Variants in CHFR observed in about 807,000 individuals in gnomAD.
CHFR encodes E3 ubiquitin-protein ligase CHFR.
In CHFR, 57 loss-of-function variants were observed where a neutral mutation model predicts 87.6. That is an observed-to-expected ratio of 0.65 (90% confidence interval 0.53 to 0.81). The LOEUF is 0.81. Ranked by LOEUF, CHFR falls within the 30% of genes least tolerant of loss-of-function variation. The pLI is 0.00. For synonymous variants in CHFR, 381 were observed against 359.2 expected (o/e 1.06, Z -0.69); for missense variants, 797 against 865.8 (o/e 0.92, Z 1.00).
rs1478337536 is a variant in CHFR, at chr12:132,836,775, A to G, written c.*4779T>C. 2.2e-6 allele frequency: 1 copy of G among 456,010 alleles called. No individual in the cohort carries two copies. The highest frequency in any genetic ancestry group is 4.4e-6 in the Non-Finnish European group (1 of 226,786). The allele number at this position is 456,010 out of a possible 1,614,324, so 28.2% of individuals were successfully genotyped here. ...GGGGCGCCTGTTTGTGCCGCGGGAA[A>G]GATTTCAAGCCCAGGGGACGGCTCA... On this transcript the variant is annotated 3_prime_UTR_variant, in exon 18 of 18. Coordinates refer to ENST00000450056, the MANE Select transcript of CHFR (RefSeq NM_001161346.2).
chr12:132,866,857 A>G (rs1438834949), intron 6 of CHFR: 5 of 152,224 alleles, frequency 3.3e-5, no homozygotes, highest in African/African-American at 1.2e-4. Context: ...CCTGGCCAAC[A>G]ACGTCTCTAC....
At chr12:132,869,913 T>C (rs553314715) in intron 5 of CHFR, 115 bp from the exon 6 acceptor site, 2 of 1,268,770 alleles carry the variant, frequency 1.6e-6, no homozygotes, top group South Asian at 2.7e-5. Flanking sequence ...CTCTTAAGAA[T>C]GCAACAGCCC....
chr12:132,856,669 A>G, intron 9 of CHFR, 39 bp from the exon 10 acceptor site: 1 of 1,603,740 alleles, frequency 6.2e-7, no homozygotes, highest in Non-Finnish European at 8.5e-7. Flanking sequence ...ACCGGCAGTG[A>G]GACATGGCAG....
intron 1 of CHFR, 55 bp downstream of exon 1, chr12:132,887,492 C>T (rs1167269254): frequency 3.2e-6 from 1 of 314,008 alleles, no homozygotes; most frequent in Non-Finnish European, 4.6e-6. Context: ...CTCCCACGGC[C>T]GCAACCAGGT....
intron 11 of CHFR, among the ~76,000 whole-genome samples, chr12:132,852,353 G>T (rs1950967593): frequency 6.6e-6 from 1 of 152,136 alleles, no homozygotes; most frequent in Non-Finnish European, 1.5e-5. Context: ...CTATGATATA[G>T]AATAAAACAA....
Position 132,851,654 on chromosome 12 carries a change from C to A in CHFR, c.1456G>T (p.Glu486Ter). ...GCGACACGCGGGTCCTGCTCGCGCTCCGCTCTCCGGTCGGGCATGGGCTGG... is the reference window on the plus strand; with the variant it reads ...GCGACACGCGGGTCCTGCTCGCGCTACGCTCTCCGGTCGGGCATGGGCTGG... ...CFQPMPDRRA[E>*]REQDPRVAPQ... Residue 486 changes from glutamate (E) to a stop codon, truncating the protein, a stop_gained, in exon 12 of 18, where the codon GAG becomes TAG. Transcript: ENST00000450056. LOFTEE classifies it high-confidence loss of function. 1 of 1,613,048 alleles carries A rather than the reference C, an allele frequency of 6.2e-7. No homozygotes were observed. Among genetic ancestry groups the A allele is most frequent in the Non-Finnish European group, 8.5e-7 (1 of 1,179,904 alleles).
At chr12:132,860,108 G>C (rs550741643) in intron 7 of CHFR, among the ~76,000 whole-genome samples, 1 of 152,222 alleles carries the variant, frequency 6.6e-6, no homozygotes, top group Admixed American at 6.5e-5. Context: ...CGTCTCAGCC[G>C]CTCCTCACCC....
intron 15 of CHFR, among the ~76,000 whole-genome samples, chr12:132,844,530 C>A (rs1327116385): frequency 6.7e-6 from 1 of 148,586 alleles, no homozygotes; most frequent in East Asian, 2.0e-4. Flanking sequence ...GTGATCCACC[C>A]GCCTCGGCCT....
chr12:132,871,858 C>T (rs963332157), intron 4 of CHFR: 4 of 164,550 alleles, frequency 2.4e-5, no homozygotes, highest in South Asian at 1.9e-4. Context: ...AAAACAAAAA[C>T]GGGACTTCTG....
rs1041040639 is a variant in CHFR, at chr12:132,836,743, A to G, written c.*4811T>C. ...GAGACAACCGTGAAAAGTGAGCGAC[A>G]GAGGAAGGGGCGCCTGTTTGTGCCG... On this transcript the variant is annotated 3_prime_UTR_variant, in exon 18 of 18. Coordinates refer to ENST00000450056, the MANE Select transcript of CHFR (RefSeq NM_001161346.2). 1.8e-5 allele frequency: 8 copies of G among 455,978 alleles called. No homozygotes were observed. Among genetic ancestry groups the G allele is most frequent in the African/African-American group, 1.4e-4 (7 of 50,076 alleles). 28.2% of individuals were successfully genotyped at this position (455,978 alleles called of 1,614,324 possible). A position where few individuals can be genotyped will look rare whatever the true frequency, so the allele number is the denominator to read the frequency against.
At chr12:132,848,877 G>C (rs1180560546) in intron 12 of CHFR, 153 bp from the exon 13 acceptor site, 2 of 599,286 alleles carry the variant, frequency 3.3e-6, no homozygotes, top group Non-Finnish European at 6.0e-6. Context: ...TCCAGCTAAC[G>C]CCACCCAGGT....
chr12:132,847,156 A>G (rs1950849428), intron 14 of CHFR, 26 bp from the exon 15 acceptor site: 1 of 1,612,392 alleles, frequency 6.2e-7, no homozygotes. Flanking sequence ...AGAGAGGAAT[A>G]AGAAATACTC....
intron 6 of CHFR, chr12:132,867,411 G>A (rs1330839710): frequency 6.6e-6 from 1 of 152,228 alleles, no homozygotes; most frequent in Non-Finnish European, 1.5e-5. Context: ...CATGGCTCTT[G>A]CTGCTGCGGA....
In CHFR at chr12:132,856,620, G is replaced by GCGA; in HGVS notation, c.1074_1076dup (p.Arg359dup). The GCGA allele has an allele frequency of 2.5e-6, 4 of 1,613,978 alleles. No individual in the cohort carries two copies. The highest frequency in any genetic ancestry group is 2.5e-6 in the Non-Finnish European group (3 of 1,179,950). On this transcript the variant is annotated inframe_insertion, in exon 10 of 18. Coordinates refer to ENST00000450056, the MANE Select transcript of CHFR (RefSeq NM_001161346.2). ...CCATACTTTGCACATCTTCTTCACT[G>GCGA]CGACTCTTGTCTAGAATTGAAAGGA...
intron 6 of CHFR, among the ~76,000 whole-genome samples, chr12:132,869,360 G>A (rs918969573): frequency 2.6e-5 from 4 of 152,032 alleles, no homozygotes; most frequent in African/African-American, 7.3e-5. Flanking sequence ...TGTACACTTC[G>A]GCTGGATGAC....
intron 6 of CHFR, 57 bp from the exon 7 acceptor site, chr12:132,861,691 T>C (rs2306543): frequency 0.19 from 291,035 of 1,533,624 alleles, 28,921 homozygotes; most frequent in African/African-American, 0.27. Context: ...GAGAGAACCA[T>C]GCCTGTAAGG....
intron 6 of CHFR, among the ~76,000 whole-genome samples, chr12:132,865,531 C>CA (rs2136998171): frequency 6.6e-6 from 1 of 152,076 alleles, no homozygotes; most frequent in South Asian, 2.1e-4. Context: ...TGCCACCATG[C>CA]CTGGATAATT....
Position 132,841,449 on chromosome 12 carries a change from T to G in CHFR, c.*105A>C. 9.9e-7 allele frequency: 1 copy of G among 1,012,150 alleles called. No homozygotes were observed. The highest frequency in any genetic ancestry group is 1.3e-5 in the South Asian group (1 of 78,234). 62.7% of individuals were successfully genotyped at this position (1,012,150 alleles called of 1,614,324 possible). A position where few individuals can be genotyped will look rare whatever the true frequency, so the allele number is the denominator to read the frequency against. ...GCACCTGTCGGAGACCCTGCGTCCC[T>G]TCCCTCAGGGGGCTGTGAAAACACC... On this transcript the variant is annotated 3_prime_UTR_variant, in exon 18 of 18. Coordinates refer to ENST00000450056, the MANE Select transcript of CHFR (RefSeq NM_001161346.2).
chr12:132,847,412 G>A (rs920537437), intron 14 of CHFR: 17 of 1,187,262 alleles, frequency 1.4e-5, no homozygotes, highest in Admixed American at 3.7e-5. Context: ...AATGAGACAT[G>A]AAAGCCAGGC....
Sources: allele counts gnomAD v4.1 joint callset (sites outside exome capture counted in the v4.1 genomes callset), GRCh38; gene constraint gnomAD v4.1.1; transcripts MANE v1.5; gene names NCBI Gene and HGNC (gene_info 2026-07-23, HGNC 2026-07-21).